Variants in PTPRT observed in about 807,000 individuals in gnomAD.
The protein encoded by PTPRT is receptor-type tyrosine-protein phosphatase T.
A neutral mutation model predicts 176.8 loss-of-function variants in PTPRT; 56 were observed. The observed-to-expected ratio is 0.32, with a 90% CI of 0.26 to 0.40. PTPRT has a LOEUF of 0.40. Among genes scored for constraint, PTPRT ranks in the 10% least tolerant of loss-of-function variants. The pLI is 1.00. For missense variants in PTPRT, 1,540 were observed against 1,908.2 expected, an observed-to-expected ratio of 0.81 and a Z score of 3.60; for synonymous variants, 783 against 739.0, an observed-to-expected ratio of 1.06 and a Z score of -0.96.
At chr20:43,128,172 C>A (rs181612253) in intron 1 of PTPRT, among the ~76,000 whole-genome samples, 1 of 152,166 alleles carries the variant, frequency 6.6e-6, no homozygotes, top group Non-Finnish European at 1.5e-5. Context: ...AGCAAGTCTG[C>A]ATGAAGTAAA....
At chr20:42,477,026 A>AG (rs1044523893) in intron 7 of PTPRT, among the ~76,000 whole-genome samples, 6 of 152,200 alleles carry the variant, frequency 3.9e-5, no homozygotes, top group African/African-American at 1.4e-4. Context: ...CTCTTCCTGC[A>AG]GGGGGCCTCA....
chr20:42,309,358 C>T (rs1208827605), intron 12 of PTPRT, among the ~76,000 whole-genome samples: 2 of 152,086 alleles, frequency 1.3e-5, no homozygotes, highest in African/African-American at 4.8e-5. Context: ...TGCACCCACC[C>T]GCTGTTTAGA....
At chr20:42,548,313 G>T (rs2072710724) in intron 7 of PTPRT, among the ~76,000 whole-genome samples, 1 of 151,898 alleles carries the variant, frequency 6.6e-6, no homozygotes, top group South Asian at 2.1e-4. Flanking sequence ...CAGAACAAAA[G>T]GCACAGTAAT....
chr20:43,099,941 A>G (rs563368921), intron 1 of PTPRT, among the ~76,000 whole-genome samples: 1 of 151,536 alleles, frequency 6.6e-6, no homozygotes, highest in Admixed American at 6.6e-5. Context: ...GCTCCCACAG[A>G]CCTCACATGG....
chr20:42,330,925 T>C (rs1233451163), intron 11 of PTPRT, among the ~76,000 whole-genome samples: 1 of 152,194 alleles, frequency 6.6e-6, no homozygotes, highest in East Asian at 1.9e-4. Flanking sequence ...TAAATTAGAA[T>C]GTGTACTTTA....
At chr20:42,816,088 C>T (rs1187702725) in intron 2 of PTPRT, among the ~76,000 whole-genome samples, 1 of 152,112 alleles carries the variant, frequency 6.6e-6, no homozygotes, top group Non-Finnish European at 1.5e-5. Context: ...GCCAGTAATA[C>T]TAACTGTGAA....
intron 1 of PTPRT, among the ~76,000 whole-genome samples, chr20:42,927,959 T>C (rs1253771231): frequency 6.6e-6 from 1 of 152,208 alleles, no homozygotes; most frequent in African/African-American, 2.4e-5. Flanking sequence ...CTGGGATCTA[T>C]ACCCATGCAG....
intron 11 of PTPRT, among the ~76,000 whole-genome samples, chr20:42,349,269 C>T (rs2058241744): frequency 6.6e-6 from 1 of 152,204 alleles, no homozygotes; most frequent in Non-Finnish European, 1.5e-5. Flanking sequence ...CCAGCACTCC[C>T]ACCTTGATGT....
chr20:42,980,466 A>C (rs1288199862), intron 1 of PTPRT, among the ~76,000 whole-genome samples: 1 of 152,226 alleles, frequency 6.6e-6, no homozygotes, highest in Non-Finnish European at 1.5e-5. Flanking sequence ...ATTTTTCTAC[A>C]TGCTGCAGCT....
intron 1 of PTPRT, among the ~76,000 whole-genome samples, chr20:42,900,715 G>A (rs1284562975): frequency 6.6e-6 from 1 of 152,172 alleles, no homozygotes; most frequent in Non-Finnish European, 1.5e-5. Context: ...CTGAGGCAGG[G>A]CTTGCATGTC....
At chr20:42,866,135 A>G (rs895420586) in intron 2 of PTPRT, among the ~76,000 whole-genome samples, 2 of 152,146 alleles carry the variant, frequency 1.3e-5, no homozygotes, top group African/African-American at 4.8e-5. Flanking sequence ...GGTGATTCTG[A>G]TGCAGATGTT....
intron 2 of PTPRT, among the ~76,000 whole-genome samples, chr20:42,817,800 C>T (rs1255493672): frequency 6.6e-6 from 1 of 152,184 alleles, no homozygotes; most frequent in Non-Finnish European, 1.5e-5. Context: ...CCTATCCTTC[C>T]TCATTGGGCA....
Position 43,157,962 on chromosome 20 carries a change from C to A in PTPRT, c.88+31684G>T, listed in dbSNP as rs535627206. On this transcript the variant is annotated intron_variant, in intron 1 of 30. Coordinates refer to ENST00000373187, the MANE Select transcript of PTPRT (RefSeq NM_007050.6). ...TGGAGGAATTTGGGTGAGTTCTGAG[C>A]AGAGGAGGGACATGATCCAATTCTG... is the stretch of plus-strand genomic sequence containing the variant. Among the ~76,000 whole-genome samples the A allele has an allele frequency of 2.6e-5, 4 of 152,254 alleles. No individual in the cohort carries two copies. In the East Asian group the frequency reaches 7.7e-4, roughly 29 times the overall value.
chr20:42,902,014 A>G (rs917634743), intron 1 of PTPRT, among the ~76,000 whole-genome samples: 2 of 152,152 alleles, frequency 1.3e-5, no homozygotes, highest in African/African-American at 4.8e-5. Context: ...CTAGCCTTTG[A>G]TGGAAAAAGT....
chr20:42,671,991 C>T, intron 7 of PTPRT, among the ~76,000 whole-genome samples: 1 of 152,194 alleles, frequency 6.6e-6, no homozygotes, highest in East Asian at 1.9e-4. Flanking sequence ...ACCTGCTATA[C>T]ATCTTCACCT....
intron 1 of PTPRT, among the ~76,000 whole-genome samples, chr20:43,008,527 C>T (rs1984967942): frequency 6.6e-6 from 1 of 151,962 alleles, no homozygotes; most frequent in African/African-American, 2.4e-5. Context: ...CCCATCTCTA[C>T]TAAAAATACA....
At chr20:42,866,223 A>G (rs961081189) in intron 2 of PTPRT, among the ~76,000 whole-genome samples, 10 of 152,360 alleles carry the variant, frequency 6.6e-5, no homozygotes, top group South Asian at 2.1e-4. Context: ...CTAAGAACCC[A>G]GTATTGTGGG....
rs1287751441 is a variant in PTPRT at position 42,076,915 on chromosome 20, T to C, written c.*3964A>G. Reference sequence around the variant, plus strand: ...ATCTGTTCCACTCTAGTCTCTTCTGTTATGGGTAACCTCCTGGGAAAAATG... The same window carrying C: ...ATCTGTTCCACTCTAGTCTCTTCTGCTATGGGTAACCTCCTGGGAAAAATG... On this transcript the variant is annotated 3_prime_UTR_variant, in exon 31 of 31. Coordinates refer to ENST00000373187, the MANE Select transcript of PTPRT (RefSeq NM_007050.6). The C allele has an allele frequency of 5.1e-6, 1 of 197,794 alleles. No homozygotes were observed. The highest frequency in any genetic ancestry group is 2.3e-5 in the African/African-American group (1 of 43,332). The allele number at this position is 197,794 out of a possible 1,614,324, so 12.3% of individuals were successfully genotyped here. A position where few individuals can be genotyped will look rare whatever the true frequency, so the allele number is the denominator to read the frequency against.
At chr20:42,676,263 T>C (rs552282304) in intron 7 of PTPRT, among the ~76,000 whole-genome samples, 10 of 152,326 alleles carry the variant, frequency 6.6e-5, no homozygotes, top group African/African-American at 2.4e-4. Context: ...TAAGGAAGTA[T>C]GAATATGGCC....
Sources: allele counts gnomAD v4.1 joint callset (sites outside exome capture counted in the v4.1 genomes callset), GRCh38; gene constraint gnomAD v4.1.1; transcripts MANE v1.5; gene names NCBI Gene and HGNC (gene_info 2026-07-23, HGNC 2026-07-21).